Variants in CRACD observed in about 807,000 individuals in gnomAD.
CRACD encodes capping protein inhibiting regulator of actin dynamics.
In CRACD, 56 loss-of-function variants were observed where a neutral mutation model predicts 106.8. The ratio of observed to expected loss-of-function variants is 0.52; its 90% CI spans 0.42 to 0.66. CRACD has a LOEUF of 0.66. Ranked by LOEUF, CRACD falls within the 30% of genes least tolerant of loss-of-function variation. The pLI is 0.00. For missense variants in CRACD, 1,730 were observed against 1,623.2 expected (o/e 1.07, Z -1.13); for synonymous variants, 754 against 670.8 (o/e 1.12, Z -1.92).
chr4:56,182,760 G>C (rs1490964939), intron 2 of CRACD, among the ~76,000 whole-genome samples: 1 of 151,878 alleles, frequency 6.6e-6, no homozygotes, highest in African/African-American at 2.4e-5. Context: ...TCCTCTTTTA[G>C]GAAGTTTTCC....
chr4:56,311,710 G>C (rs1411825409), intron 6 of CRACD: 1 of 152,174 alleles, frequency 6.6e-6, no homozygotes, highest in Non-Finnish European at 1.5e-5. Context: ...GCATATAGAA[G>C]ATAATTGCAA....
intron 1 of CRACD, among the ~76,000 whole-genome samples, chr4:56,053,594 G>A (rs921332130): frequency 2.6e-5 from 4 of 152,130 alleles, no homozygotes; most frequent in Non-Finnish European, 5.9e-5. Flanking sequence ...ATGTAGGAGT[G>A]TAACTCATAA....
chr4:56,141,683 T>A (rs1735202801), intron 1 of CRACD, among the ~76,000 whole-genome samples: 1 of 46,916 alleles, frequency 2.1e-5, no homozygotes, highest in African/African-American at 1.8e-4. Flanking sequence ...GGAAGTACTA[T>A]TTTTTTTTTT....
intron 2 of CRACD, among the ~76,000 whole-genome samples, chr4:56,181,534 T>A (rs1736820348): frequency 6.6e-6 from 1 of 152,226 alleles, no homozygotes; most frequent in Admixed American, 6.5e-5. Context: ...ATTAATTTGC[T>A]AGGACTGCCA....
chr4:56,230,373 G>A (rs533527497), intron 2 of CRACD, among the ~76,000 whole-genome samples: 4 of 152,212 alleles, frequency 2.6e-5, no homozygotes, highest in African/African-American at 9.6e-5. Flanking sequence ...TGAAAAGCAG[G>A]TATACATCAA....
chr4:56,125,649 T>G (rs1405169140), intron 1 of CRACD, among the ~76,000 whole-genome samples: 1 of 152,010 alleles, frequency 6.6e-6, no homozygotes, highest in African/African-American at 2.4e-5. Flanking sequence ...ATTCTTAGCC[T>G]CAAGTGATCC....
At chr4:56,242,593 C>A (rs558117532) in intron 2 of CRACD, among the ~76,000 whole-genome samples, 67 of 152,166 alleles carry the variant, frequency 4.4e-4, no homozygotes, top group Admixed American at 1.6e-3. Flanking sequence ...ATGAGCACCC[C>A]AAGAACCCCT....
In CRACD at chr4:56,052,064, T is replaced by A. The variant is rs565409058; in HGVS notation, c.-336+2765T>A. Among the ~76,000 whole-genome samples, 26 of 152,308 alleles carry A rather than the reference T, an allele frequency of 1.7e-4. No individual in the cohort carries two copies. The East Asian group carries it at 3.5e-3, about 20-fold the overall frequency. On this transcript the variant is annotated intron_variant, in intron 1 of 10. Coordinates refer to ENST00000682029, the MANE Select transcript of CRACD (RefSeq NM_001393381.1). ...ATGGCTTTTAAACTTTTTAATTTTT[T>A]ATTTTATTTTTATTTTTTTAAAGAG...
At chr4:56,316,771 A>G in intron 8 of CRACD, 82 bp downstream of exon 8, 1 of 1,446,618 alleles carries the variant, frequency 6.9e-7, no homozygotes, top group Non-Finnish European at 9.3e-7. Flanking sequence ...ACGCAGGTTC[A>G]TGAGAATAAT....
At chr4:56,203,382 G>A (rs2109477765) in intron 2 of CRACD, among the ~76,000 whole-genome samples, 1 of 152,196 alleles carries the variant, frequency 6.6e-6, no homozygotes, top group East Asian at 1.9e-4. Context: ...AGGACCAGTT[G>A]GATTACAGAG....
At chr4:56,313,082 C>A in intron 6 of CRACD, 115 bp from the exon 7 acceptor site, 1 of 866,266 alleles carries the variant, frequency 1.2e-6, no homozygotes, top group Non-Finnish European at 1.8e-6. Context: ...TGCTCACCTG[C>A]ATTCCCTGGG....
intron 1 of CRACD, among the ~76,000 whole-genome samples, chr4:56,066,666 C>A (rs976058113): frequency 5.9e-5 from 9 of 152,194 alleles, no homozygotes; most frequent in Non-Finnish European, 1.2e-4. Flanking sequence ...GGTGACACTC[C>A]CTGGTAAACA....
intron 3 of CRACD, among the ~76,000 whole-genome samples, chr4:56,276,568 C>A (rs1560513767): frequency 1.3e-5 from 2 of 152,116 alleles, no homozygotes; most frequent in African/African-American, 4.8e-5. Flanking sequence ...ATATTATTAT[C>A]AACAGTTCAA....
At chr4:56,160,438 C>T (rs1735913371) in intron 1 of CRACD, among the ~76,000 whole-genome samples, 1 of 152,186 alleles carries the variant, frequency 6.6e-6, no homozygotes. Flanking sequence ...CCCGCCTCAG[C>T]CTCCCAAAAT....
intron 2 of CRACD, among the ~76,000 whole-genome samples, chr4:56,265,143 G>A (rs1366677583): frequency 6.6e-6 from 1 of 152,192 alleles, no homozygotes; most frequent in Non-Finnish European, 1.5e-5. Flanking sequence ...AACTCTGACA[G>A]CCACAGAGGA....
At chr4:56,087,670 CTT>C (rs1437378726) in intron 1 of CRACD, among the ~76,000 whole-genome samples, 12 of 152,204 alleles carry the variant, frequency 7.9e-5, no homozygotes, top group Non-Finnish European at 5.9e-5. Context: ...ACATCACACT[CTT>C]TTATCCAGAT....
chr4:56,301,327 T>C, intron 4 of CRACD: 3 of 984,018 alleles, frequency 3.0e-6, no homozygotes, highest in Non-Finnish European at 4.2e-6. Flanking sequence ...ATGCTGGTAT[T>C]GATGCTTAGT....
At chr4:56,216,252 C>G (rs1738669182) in intron 2 of CRACD, 1 of 152,240 alleles carries the variant, frequency 6.6e-6, no homozygotes, top group South Asian at 2.1e-4. Context: ...TCCTCTCTCC[C>G]CCAACCAGAT....
rs138424029 is a variant in CRACD at position 56,230,491 on chromosome 4, G to T, written c.-188-41830G>T. ...GTTCCTACTCAAAAAGTAGTGATGT[G>T]TTAGAAAAGATGAAATTGAGTCAGA... On this transcript the variant is annotated intron_variant, in intron 2 of 10. Transcript: ENST00000682029. Among the ~76,000 whole-genome samples the T allele has an allele frequency of 3.2e-3, 490 of 152,312 alleles. 3 individuals are homozygous for T. The highest frequency in any genetic ancestry group is 0.011 in the African/African-American group (462 of 41,568).
Sources: allele counts gnomAD v4.1 joint callset (sites outside exome capture counted in the v4.1 genomes callset), GRCh38; gene constraint gnomAD v4.1.1; transcripts MANE v1.5; gene names NCBI Gene and HGNC (gene_info 2026-07-23, HGNC 2026-07-21).